Variants in NAALADL2 observed in about 807,000 individuals in gnomAD.
NAALADL2 encodes inactive N-acetylated-alpha-linked acidic dipeptidase-like protein 2.
Under a neutral mutation model 87.2 loss-of-function variants are expected in NAALADL2, and 76 were observed. That is an observed-to-expected ratio of 0.87 (90% CI 0.72 to 1.05). The LOEUF is 1.05. Ranked by LOEUF, NAALADL2 falls within the 50% of genes least tolerant of loss-of-function variation. NAALADL2 has a pLI of 0.00. For missense variants in NAALADL2, 1,089 were observed against 945.8 expected (o/e 1.15, Z -1.99); for synonymous variants, 354 against 331.0 (o/e 1.07, Z -0.75).
At chr3:175,117,400 T>C (rs67076295) in intron 2 of NAALADL2, among the ~76,000 whole-genome samples, 91,830 of 151,832 alleles carry the variant, frequency 0.6, 28,263 homozygotes, top group African/African-American at 0.73. Flanking sequence ...TAGAAAGAAT[T>C]TAAACAAATT....
chr3:174,538,982 T>A (rs938137137), intron 1 of NAALADL2, among the ~76,000 whole-genome samples: 12 of 152,202 alleles, frequency 7.9e-5, no homozygotes, highest in Non-Finnish European at 1.5e-4. Context: ...GTCACAGCCA[T>A]GTCCTTAACC....
At chr3:175,315,664 T>G (rs1439217792) in intron 4 of NAALADL2, among the ~76,000 whole-genome samples, 1 of 152,166 alleles carries the variant, frequency 6.6e-6, no homozygotes, top group Admixed American at 6.6e-5. Context: ...GTGAAATAGT[T>G]TTGAAAAATA....
intron 9 of NAALADL2, among the ~76,000 whole-genome samples, chr3:175,513,637 A>T (rs1239148297): frequency 2.0e-5 from 3 of 152,256 alleles, no homozygotes; most frequent in African/African-American, 7.2e-5. Context: ...AAGACTGTAC[A>T]TAAAAGATCT....
rs566854665 is a variant in NAALADL2 at position 174,511,371 on chromosome 3, A to G, written c.-183-39198A>G. 2.0e-5 allele frequency among the ~76,000 whole-genome samples: 3 copies of G among 152,052 alleles called. No individual in the cohort carries two copies. In the South Asian group the frequency reaches 6.2e-4, roughly 32 times the overall value. On this transcript the variant is annotated intron_variant, in intron 1 of 3. Transcript: ENST00000434257. ...AAATGCATGAACTTTTAGGACTATTATGTTCTCCTGATGAATTGACCCCTT... is the reference window on the plus strand; with the variant it reads ...AAATGCATGAACTTTTAGGACTATTGTGTTCTCCTGATGAATTGACCCCTT...
At chr3:174,944,005 T>C (rs767602506) in intron 1 of NAALADL2, among the ~76,000 whole-genome samples, 2 of 151,956 alleles carry the variant, frequency 1.3e-5, no homozygotes, top group Non-Finnish European at 2.9e-5. Context: ...AGTGAGGAGA[T>C]GTAGGAACAG....
At chr3:174,850,275 T>C (rs1168605652) in intron 3 of NAALADL2, among the ~76,000 whole-genome samples, 1 of 152,138 alleles carries the variant, frequency 6.6e-6, no homozygotes, top group Admixed American at 6.5e-5. Context: ...GCCAGACATA[T>C]AAGAGCTCCT....
chr3:175,326,826 T>C (rs1760768371), intron 5 of NAALADL2, among the ~76,000 whole-genome samples: 1 of 152,216 alleles, frequency 6.6e-6, no homozygotes, highest in Non-Finnish European at 1.5e-5. Context: ...TGAGAATACT[T>C]CATGATCCAA....
Position 175,803,234 on chromosome 3 carries a change from T to C in NAALADL2, c.*31T>C. 1 of 1,515,934 alleles carries C rather than the reference T, an allele frequency of 6.6e-7. No individual in the cohort carries two copies. Among genetic ancestry groups the C allele is most frequent in the Non-Finnish European group, 8.9e-7 (1 of 1,117,804 alleles). 93.9% of individuals were successfully genotyped at this position (1,515,934 alleles called of 1,614,324 possible). On this transcript the variant is annotated 3_prime_UTR_variant, in exon 14 of 14. Coordinates refer to ENST00000454872, the MANE Select transcript of NAALADL2 (RefSeq NM_207015.3). ...CTCTGAGCATTTTTAAAAGTTTGTT[T>C]ACAATTCCACAAGCAAAAGCTCTAA... is the stretch of plus-strand genomic sequence containing the variant.
chr3:175,167,025 A>AG (rs1330206656), intron 2 of NAALADL2, among the ~76,000 whole-genome samples: 7 of 152,028 alleles, frequency 4.6e-5, no homozygotes, highest in Admixed American at 2.0e-4. Flanking sequence ...TTCCTAATCA[A>AG]GGACATTTAA....
chr3:174,921,433 C>G (rs576766591), intron 1 of NAALADL2, among the ~76,000 whole-genome samples: 2 of 151,720 alleles, frequency 1.3e-5, no homozygotes, highest in Non-Finnish European at 2.9e-5. Flanking sequence ...TTTAAAGTAA[C>G]CAGACAAGTA....
At chr3:174,493,750 C>T (rs1344456123) in intron 1 of NAALADL2, among the ~76,000 whole-genome samples, 1 of 152,048 alleles carries the variant, frequency 6.6e-6, no homozygotes, top group Non-Finnish European at 1.5e-5. Context: ...TCATTCATTT[C>T]CTTATTTTCT....
At chr3:174,532,117 G>A (rs1721296514) in intron 1 of NAALADL2, among the ~76,000 whole-genome samples, 1 of 152,104 alleles carries the variant, frequency 6.6e-6, no homozygotes, top group Non-Finnish European at 1.5e-5. Context: ...TTATAATTGT[G>A]TTCAATGCAT....
At chr3:175,216,071 T>C (rs959416823) in intron 2 of NAALADL2, among the ~76,000 whole-genome samples, 2 of 152,180 alleles carry the variant, frequency 1.3e-5, no homozygotes, top group African/African-American at 2.4e-5. Flanking sequence ...TTAAATGCAT[T>C]TTCTAGCATG....
chr3:174,648,351 A>C (rs955468179), intron 2 of NAALADL2, among the ~76,000 whole-genome samples: 2 of 151,900 alleles, frequency 1.3e-5, no homozygotes, highest in Non-Finnish European at 2.9e-5. Flanking sequence ...AAAAAAAAAA[A>C]ACAAACCTTT....
intron 10 of NAALADL2, among the ~76,000 whole-genome samples, chr3:175,624,861 A>G (rs1726767260): frequency 6.6e-6 from 1 of 152,042 alleles, no homozygotes; most frequent in Non-Finnish European, 1.5e-5. Flanking sequence ...CCACCTCAAA[A>G]GTACTTTACA....
At chr3:174,701,281 G>A (rs963770801) in intron 2 of NAALADL2, among the ~76,000 whole-genome samples, 2 of 151,368 alleles carry the variant, frequency 1.3e-5, no homozygotes, top group African/African-American at 4.8e-5. Context: ...TATCTCATAT[G>A]AACCTAACAC....
At chr3:175,388,424 G>GT (rs1768672687) in intron 5 of NAALADL2, among the ~76,000 whole-genome samples, 1 of 151,878 alleles carries the variant, frequency 6.6e-6, no homozygotes, top group African/African-American at 2.4e-5. Flanking sequence ...TAAAATTTCA[G>GT]TAAGTATACA....
intron 5 of NAALADL2, among the ~76,000 whole-genome samples, chr3:175,363,446 C>T (rs777321909): frequency 6.8e-6 from 1 of 147,168 alleles, no homozygotes; most frequent in Non-Finnish European, 1.5e-5. Context: ...TTCGCATGGC[C>T]ATGGGGAAGA....
At chr3:175,128,850 C>T (rs1203713605) in intron 2 of NAALADL2, among the ~76,000 whole-genome samples, 1 of 151,776 alleles carries the variant, frequency 6.6e-6, no homozygotes, top group East Asian at 1.9e-4. Flanking sequence ...AAATATTTAA[C>T]TCACAAAAAA....
Sources: allele counts gnomAD v4.1 joint callset (sites outside exome capture counted in the v4.1 genomes callset), GRCh38; gene constraint gnomAD v4.1.1; transcripts MANE v1.5; gene names NCBI Gene and HGNC (gene_info 2026-07-23, HGNC 2026-07-21).